Variants in COL4A4 observed in about 807,000 individuals in gnomAD.
The protein encoded by COL4A4 is collagen type IV alpha 4 chain.
COL4A4 carries 105 observed loss-of-function variants against 192.9 expected under a neutral mutation model. The observed-to-expected ratio is 0.54, with a 90% CI of 0.46 to 0.64. The LOEUF is 0.64. COL4A4 is among the 30% of genes least tolerant of loss of function. The pLI is 0.00. For missense variants in COL4A4, 1,967 were observed against 2,169.3 expected, an observed-to-expected ratio of 0.91 and a Z score of 1.85; for synonymous variants, 762 against 769.9, an observed-to-expected ratio of 0.99 and a Z score of 0.17.
chr2:227,133,966 G>A (rs1428121665), intron 4 of COL4A4, among the ~76,000 whole-genome samples: 5 of 152,108 alleles, frequency 3.3e-5, no homozygotes, highest in Non-Finnish European at 5.9e-5. Context: ...TCCTATAGCT[G>A]AAGATTCAGG....
the COL4A4 span, chr2:226,968,916 A>G: frequency 6.7e-6 from 1 of 148,498 alleles, no homozygotes; most frequent in Non-Finnish European, 1.5e-5. Context: ...GAAGAAGATG[A>G]TATTTGAGGG....
At chr2:227,023,761 T>C (rs1966473438) in intron 43 of COL4A4, among the ~76,000 whole-genome samples, 1 of 151,862 alleles carries the variant, frequency 6.6e-6, no homozygotes, top group Non-Finnish European at 1.5e-5. Context: ...TGCCTGTAAT[T>C]CCAGCACTTT....
the COL4A4 span, chr2:226,988,355 A>G: frequency 3.9e-5 from 61 of 1,550,212 alleles, no homozygotes; most frequent in African/African-American, 6.2e-4. Context: ...TAAAGAGACA[A>G]TGGCAAGTCT....
intron 37 of COL4A4, among the ~76,000 whole-genome samples, chr2:227,040,248 TGGAA>T (rs1970504698): frequency 1.3e-5 from 2 of 152,116 alleles, no homozygotes; most frequent in Non-Finnish European, 2.9e-5. Context: ...CAAAGGCAGG[TGGAA>T]GGAGAAAGGA....
At chr2:227,078,333 C>T (rs1460418475) in intron 24 of COL4A4, among the ~76,000 whole-genome samples, 1 of 152,118 alleles carries the variant, frequency 6.6e-6, no homozygotes, top group African/African-American at 2.4e-5. Context: ...GCCTCCACCT[C>T]CCAGGTTCAA....
chr2:227,119,948 C>T lies in COL4A4; in HGVS notation c.328-9G>A, dbSNP rs778964441. On this transcript the variant is annotated splice_polypyrimidine_tract_variant and intron_variant, in intron 5 of 47. Transcript: ENST00000396625. Reference sequence around the variant, plus strand: ...GGAACACCAGTTGGACCCTAAAATCCCAGAAAATAAAACAAAGAGATAAAA... The same window carrying T: ...GGAACACCAGTTGGACCCTAAAATCTCAGAAAATAAAACAAAGAGATAAAA... 6.4e-7 allele frequency: 1 copy of T among 1,565,584 alleles called. No individual in the cohort carries two copies. The highest frequency in any genetic ancestry group is 8.7e-7 in the Non-Finnish European group (1 of 1,153,428).
chr2:227,099,851 A>G (rs1211043008), intron 17 of COL4A4, among the ~76,000 whole-genome samples, 162 bp from the exon 18 acceptor site: 1 of 152,246 alleles, frequency 6.6e-6, no homozygotes, highest in African/African-American at 2.4e-5. Flanking sequence ...AGGAGCAGCA[A>G]AGATGCATCT....
chr2:226,999,980 A>G (rs1163332222), downstream of COL4A4, among the ~76,000 whole-genome samples: 1 of 152,232 alleles, frequency 6.6e-6, no homozygotes, highest in Non-Finnish European at 1.5e-5. Flanking sequence ...AAAAACAAAA[A>G]TCAAACGAAA....
intron 24 of COL4A4, among the ~76,000 whole-genome samples, chr2:227,079,047 G>C (rs1429405380): frequency 6.6e-6 from 1 of 152,218 alleles, no homozygotes; most frequent in Non-Finnish European, 1.5e-5. Flanking sequence ...AGCTCCCATG[G>C]GGAATGAGGC....
intron 4 of COL4A4, among the ~76,000 whole-genome samples, chr2:227,137,585 T>C (rs2062903848): frequency 6.6e-6 from 1 of 152,238 alleles, no homozygotes; most frequent in South Asian, 2.1e-4. Context: ...GATAATTCTT[T>C]GGTGTGGGGA....
chr2:227,104,698 T>C (rs1267206606), intron 12 of COL4A4, among the ~76,000 whole-genome samples: 1 of 139,226 alleles, frequency 7.2e-6, no homozygotes, highest in Non-Finnish European at 1.5e-5. Context: ...CAGAGTGCAA[T>C]GACGCGATCT....
At chr2:227,013,463 C>T (rs1180259805) in intron 44 of COL4A4, among the ~76,000 whole-genome samples, 1 of 152,170 alleles carries the variant, frequency 6.6e-6, no homozygotes, top group East Asian at 1.9e-4. Flanking sequence ...TCCAGGCTGA[C>T]TGGCCTCCTT....
intron 4 of COL4A4, among the ~76,000 whole-genome samples, chr2:227,135,925 T>A (rs2062783357): frequency 6.6e-6 from 1 of 152,090 alleles, no homozygotes; most frequent in African/African-American, 2.4e-5. Context: ...ATTACAGGCG[T>A]GAACCACCAT....
intron 44 of COL4A4, among the ~76,000 whole-genome samples, chr2:227,018,521 A>T (rs546696737): frequency 6.6e-6 from 1 of 152,356 alleles, no homozygotes; most frequent in South Asian, 2.1e-4. Flanking sequence ...ACAGGAACCC[A>T]GAGGCTCCTA....
At chr2:227,061,957 A>T (rs1977163811) in intron 26 of COL4A4, among the ~76,000 whole-genome samples, 1 of 152,194 alleles carries the variant, frequency 6.6e-6, no homozygotes, top group African/African-American at 2.4e-5. Context: ...TAAAACTTTC[A>T]GGCTGGGTGC....
chr2:227,087,954 C>T (rs1247561117), intron 22 of COL4A4, among the ~76,000 whole-genome samples: 1 of 152,128 alleles, frequency 6.6e-6, no homozygotes, highest in Non-Finnish European at 1.5e-5. Context: ...ACATGACATA[C>T]TGGATATTTA....
chr2:227,129,840 A>G (rs938966445), intron 4 of COL4A4, among the ~76,000 whole-genome samples: 26 of 152,216 alleles, frequency 1.7e-4, no homozygotes, highest in African/African-American at 6.3e-4. Context: ...AACTTCCACA[A>G]TTAAAATGAA....
In COL4A4 at chr2:227,160,246, G is replaced by A. The variant is rs1049302384; in HGVS notation, c.-102+3761C>T. On this transcript the variant is annotated intron_variant, in intron 1 of 47. Transcript: ENST00000396625. ...TGAAGTTAAAGGGGAACTTCTGGAA[G>A]CTTTTAAACAAACAAGTGGCACGAT... Among the ~76,000 whole-genome samples, 4 of 152,180 alleles carry A rather than the reference G, an allele frequency of 2.6e-5. 1 individual carries two copies. Among genetic ancestry groups the A allele is most frequent in the African/African-American group, 9.6e-5 (4 of 41,452 alleles).
At chr2:227,000,347 G>A (rs952440446), downstream of COL4A4, among the ~76,000 whole-genome samples, 6 of 152,160 alleles carry the variant, frequency 3.9e-5, no homozygotes, top group African/African-American at 1.2e-4. Flanking sequence ...ATTTCAGTGC[G>A]CACAAGTGCA....
Sources: allele counts gnomAD v4.1 joint callset (sites outside exome capture counted in the v4.1 genomes callset), GRCh38; gene constraint gnomAD v4.1.1; transcripts MANE v1.5; gene names NCBI Gene and HGNC (gene_info 2026-07-23, HGNC 2026-07-21).